SORBS2: variants seen among roughly 807,000 people sequenced by gnomAD.
SORBS2 encodes sorbin and SH3 domain-containing protein 2.
SORBS2 carries 46 observed loss-of-function variants against 97.7 expected under a neutral mutation model. The ratio of observed to expected loss-of-function variants is 0.47; its 90% CI spans 0.37 to 0.60. The LOEUF (loss-of-function observed/expected upper bound fraction) is 0.60, where lower values mean the gene tolerates loss of function less well. Ranked by LOEUF, SORBS2 falls within the 20% of genes least tolerant of loss-of-function variation. The probability of loss-of-function intolerance (pLI) is 0.00; values close to 1 mark genes in which losing one functional copy is unlikely to be tolerated. For synonymous variants in SORBS2, 476 were observed against 473.4 expected (o/e 1.01, Z -0.07); for missense variants, 1,316 against 1,282.3 (o/e 1.03, Z -0.40).
intron 9 of SORBS2, among the ~76,000 whole-genome samples, chr4:185,618,060 T>A (rs1254799960): frequency 6.6e-6 from 1 of 152,200 alleles, no homozygotes; most frequent in Non-Finnish European, 1.5e-5. Flanking sequence ...TGGCAGCGTC[T>A]ACCTCCCGGT....
chr4:185,919,956 A>C (rs2099260205), intron 1 of SORBS2, among the ~76,000 whole-genome samples: 1 of 152,258 alleles, frequency 6.6e-6, no homozygotes, highest in South Asian at 2.1e-4. Context: ...CAAAACAATT[A>C]GTTGTTAGTA....
intron 2 of SORBS2, among the ~76,000 whole-genome samples, chr4:185,761,794 T>C (rs991785385): frequency 2.6e-5 from 4 of 152,236 alleles, no homozygotes; most frequent in African/African-American, 9.6e-5. Context: ...CTAAGGAATC[T>C]GGAAATGTTG....
chr4:185,666,977 C>T (rs4565117), intron 4 of SORBS2, among the ~76,000 whole-genome samples: 131,900 of 152,166 alleles, frequency 0.87, 58,051 homozygotes, highest in Non-Finnish European at 0.94. Context: ...CTAAACATAG[C>T]GAAGGGATGC....
At chr4:185,741,797 T>C (rs2098729050) in intron 2 of SORBS2, among the ~76,000 whole-genome samples, 1 of 152,352 alleles carries the variant, frequency 6.6e-6, no homozygotes, top group Non-Finnish European at 1.5e-5. Flanking sequence ...GCATTGGACA[T>C]ACCCAGCCAG....
chr4:185,731,202 G>T (rs548046010), intron 2 of SORBS2, among the ~76,000 whole-genome samples: 9 of 152,212 alleles, frequency 5.9e-5, no homozygotes, highest in African/African-American at 2.2e-4. Flanking sequence ...AGGCTGTAAG[G>T]CTGCCCACCT....
At chr4:185,657,516 C>T (rs752210867), upstream of SORBS2, 2 of 1,571,434 alleles carry the variant, frequency 1.3e-6, no homozygotes, top group South Asian at 2.4e-5. Context: ...TTCTCTTCCT[C>T]TGAGGATCGG....
intron 4 of SORBS2, chr4:185,666,228 TAA>T (rs2097595217): frequency 1.7e-6 from 2 of 1,188,248 alleles, no homozygotes; most frequent in African/African-American, 1.6e-5. Flanking sequence ...GAAAAAATAA[TAA>T]GAGATAAATT....
At chr4:185,771,399 A>G (rs2098970589) in intron 2 of SORBS2, 1 of 152,218 alleles carries the variant, frequency 6.6e-6, no homozygotes, top group Non-Finnish European at 1.5e-5. Context: ...ATGGTTCTGA[A>G]TGATTTTCTC....
At chr4:185,685,646 C>T (rs1195306235) in intron 2 of SORBS2, among the ~76,000 whole-genome samples, 1 of 152,182 alleles carries the variant, frequency 6.6e-6, no homozygotes, top group African/African-American at 2.4e-5. Flanking sequence ...ATCCTCCTGC[C>T]TCAGTCTCCT....
At chr4:185,888,110 G>C (rs994521812) in intron 1 of SORBS2, among the ~76,000 whole-genome samples, 2 of 150,314 alleles carry the variant, frequency 1.3e-5, no homozygotes, top group African/African-American at 5.0e-5. Context: ...TATATTGCCT[G>C]TCCCAATTTA....
intron 1 of SORBS2, among the ~76,000 whole-genome samples, chr4:185,798,929 C>T (rs902923577): frequency 4.0e-5 from 6 of 150,644 alleles, no homozygotes; most frequent in African/African-American, 1.5e-4. Context: ...CCTGATCCAC[C>T]CAGAAGCCTG....
At chr4:185,914,145 C>G (rs2099256815) in intron 1 of SORBS2, among the ~76,000 whole-genome samples, 1 of 152,210 alleles carries the variant, frequency 6.6e-6, no homozygotes, top group Non-Finnish European at 1.5e-5. Context: ...AACTAGCTTG[C>G]TCTAGCTTTG....
chr4:185,749,796 C>T (rs2098788585), intron 2 of SORBS2, among the ~76,000 whole-genome samples: 1 of 152,246 alleles, frequency 6.6e-6, no homozygotes, highest in Non-Finnish European at 1.5e-5. Flanking sequence ...ATAGAGACCA[C>T]AGCTCTTAAT....
chr4:185,657,468 T>A (rs1482949801), upstream of SORBS2: 1 of 1,566,490 alleles, frequency 6.4e-7, no homozygotes, highest in Non-Finnish European at 8.6e-7. Context: ...ACGGGCCCGA[T>A]CCCTGGGTAA....
intron 1 of SORBS2, among the ~76,000 whole-genome samples, chr4:185,816,260 ATCT>A (rs75228552): frequency 0.24 from 37,119 of 152,006 alleles, 4,697 homozygotes; most frequent in Middle Eastern, 0.33. Flanking sequence ...CTCTAGTCAC[ATCT>A]TCTGCTGCAG....
intron 1 of SORBS2, among the ~76,000 whole-genome samples, chr4:185,817,058 T>A (rs1009739438): frequency 1.3e-5 from 2 of 152,190 alleles, no homozygotes; most frequent in Non-Finnish European, 2.9e-5. Context: ...TGGCTAATAA[T>A]AACAACATTG....
Position 185,612,780 on chromosome 4 carries a change from G to GTGCCCGGCCCCTTT in SORBS2, c.2596-814_2596-801dup, listed in dbSNP as rs368524164. 3.9e-3 allele frequency among the ~76,000 whole-genome samples: 600 copies of GTGCCCGGCCCCTTT among 152,250 alleles called. 4 individuals carry two copies. Among genetic ancestry groups the GTGCCCGGCCCCTTT allele is most frequent in the African/African-American group, 0.014 (572 of 41,534 alleles). On this transcript the variant is annotated intron_variant, in intron 11 of 14. Transcript: ENST00000418609. ...GCTGGGATTGCAGGCATGAGCCACT[G>GTGCCCGGCCCCTTT]TGCCCGGCCCCTTTTCTTCTTTAAT...
chr4:185,944,896 A>G (rs1450132772), intron 1 of SORBS2, among the ~76,000 whole-genome samples: 1 of 138,876 alleles, frequency 7.2e-6, no homozygotes, highest in Non-Finnish European at 1.6e-5. Context: ...ATTTGGGGTC[A>G]AACCCTGTTA....
chr4:185,782,735 T>A (rs1309681450), intron 1 of SORBS2, among the ~76,000 whole-genome samples: 2 of 151,804 alleles, frequency 1.3e-5, no homozygotes, highest in Non-Finnish European at 1.5e-5. Context: ...AGATTTGCAA[T>A]CTTATTTTCT....
Sources: allele counts gnomAD v4.1 joint callset (sites outside exome capture counted in the v4.1 genomes callset), GRCh38; gene constraint gnomAD v4.1.1; transcripts MANE v1.5; gene names NCBI Gene and HGNC (gene_info 2026-07-23, HGNC 2026-07-21).